BEND2: variants seen among roughly 807,000 people sequenced by gnomAD.
BEND2 encodes the protein BEN domain-containing protein 2.
A neutral mutation model predicts 43.8 loss-of-function variants in BEND2; 19 were observed. That is an observed-to-expected ratio of 0.43 (90% CI 0.30 to 0.64). The LOEUF (loss-of-function observed/expected upper bound fraction) is 0.64. Ranked by LOEUF, BEND2 falls within the 30% of genes least tolerant of loss-of-function variation. The pLI is 0.11. For missense variants in BEND2, 544 were observed against 574.0 expected (o/e 0.95, Z 0.53); for synonymous variants, 226 against 210.1 (o/e 1.08, Z -0.66).
At position 18,203,831 on chromosome X, in the gene BEND2, C is replaced by T. The variant is rs755322755; in HGVS notation, c.577G>A (p.Ala193Thr). The change falls in exon 5 of 14, where the codon GCA becomes ACA. Residue 193 changes from alanine to threonine, a missense_variant. Coordinates refer to ENST00000380033, the MANE Select transcript of BEND2 (RefSeq NM_153346.5). The part of the protein sequence containing the change: ...SPAVTSLESA[A>T]CHELQEADLS... ...TCTGCTTCCTGCAGTTCATGACATG[C>T]TGCTGACTCAAGAGATGTTACAGCA... 73 of 1,209,217 alleles carry T rather than the reference C, an allele frequency of 6.0e-5. No homozygotes were observed. Among genetic ancestry groups the T allele is most frequent in the Non-Finnish European group, 7.7e-5 (69 of 894,223 alleles).
chrX:18,182,761 C>G (rs987473992), intron 8 of BEND2, among the ~76,000 whole-genome samples: 1 of 111,206 alleles, frequency 9.0e-6, no homozygotes, highest in Non-Finnish European at 1.9e-5. Flanking sequence ...TTACAGAGGC[C>G]GGGCACGGGG....
chrX:18,186,727 G>A (rs959284874), intron 8 of BEND2, among the ~76,000 whole-genome samples: 23 of 109,120 alleles, frequency 2.1e-4, no homozygotes, highest in East Asian at 5.8e-4. Context: ...TTGGGAGGCC[G>A]AGGTGGGAGG....
intron 8 of BEND2, among the ~76,000 whole-genome samples, chrX:18,186,231 G>A (rs1281795926): frequency 9.0e-6 from 1 of 111,344 alleles, no homozygotes; most frequent in Non-Finnish European, 1.9e-5. Context: ...GCCGAGGCAG[G>A]CAGAGCATCT....
chrX:18,204,487 A>C (rs1343786495), intron 4 of BEND2, among the ~76,000 whole-genome samples: 1 of 112,558 alleles, frequency 8.9e-6, no homozygotes, highest in Non-Finnish European at 1.9e-5. Context: ...AAGACGGTCA[A>C]CCTGCATAGT....
At chrX:18,216,849 T>C in intron 1 of BEND2, 116 bp from the exon 2 acceptor site, 4 of 566,385 alleles carry the variant, frequency 7.1e-6, no homozygotes, top group Non-Finnish European at 1.1e-5. Flanking sequence ...AGCTGAAAAT[T>C]TGTATTACAT....
intron 1 of BEND2, among the ~76,000 whole-genome samples, chrX:18,220,396 C>G (rs921722255): frequency 8.9e-6 from 1 of 112,195 alleles, no homozygotes; most frequent in Non-Finnish European, 1.9e-5. Flanking sequence ...GACGCACTCT[C>G]GGCACAAGCC....
chrX:18,201,664 T>A, intron 6 of BEND2, 151 bp downstream of exon 6: 1 of 638,737 alleles, frequency 1.6e-6, no homozygotes, highest in Non-Finnish European at 2.2e-6. Context: ...GCTAATTTTT[T>A]GTATTTTTAG....
intron 12 of BEND2, 107 bp from the exon 13 acceptor site, chrX:18,171,311 G>T: frequency 1.1e-6 from 1 of 870,679 alleles, no homozygotes; most frequent in Non-Finnish European, 1.6e-6. Context: ...TTAGGCTCAA[G>T]AATTTGAGAG....
intron 4 of BEND2, among the ~76,000 whole-genome samples, 192 bp from the exon 5 acceptor site, chrX:18,204,107 C>T (rs1925259561): frequency 8.9e-6 from 1 of 112,050 alleles, no homozygotes; most frequent in Non-Finnish European, 1.9e-5. Flanking sequence ...ATAAGCATTC[C>T]TATGTATTTT....
rs1464104443 is a variant in BEND2 at position 18,171,212 on chromosome X, C to CA, written c.1982-9dup. On this transcript the variant is annotated splice_polypyrimidine_tract_variant and intron_variant, in intron 12 of 13. Coordinates refer to ENST00000380033, the MANE Select transcript of BEND2 (RefSeq NM_153346.5). The stretch of plus-strand genomic sequence containing the variant: ...ATGGTCTTCCAAAATAGCCTAGAAG[C>CA]AAAAAAGAAAGATGTCAATTTTCAT... 1.7e-6 allele frequency: 2 copies of CA among 1,181,581 alleles called. No individual in the cohort carries two copies. The highest frequency in any genetic ancestry group is 2.3e-5 in the Admixed American group (1 of 42,895).
chrX:18,194,286 A>G (rs1924869012), intron 7 of BEND2, among the ~76,000 whole-genome samples: 1 of 111,835 alleles, frequency 8.9e-6, no homozygotes, highest in South Asian at 3.7e-4. Context: ...TTCATGACAG[A>G]GAAATGAAAA....
At position 18,164,878 on chromosome X, in the gene BEND2, T is replaced by C. The variant is rs1923780319; in HGVS notation, c.*131A>G. On this transcript the variant is annotated 3_prime_UTR_variant, in exon 14 of 14. Coordinates refer to ENST00000380033, the MANE Select transcript of BEND2 (RefSeq NM_153346.5). ...CTCCTTTATGAGCAGAAAAAGAGGT[T>C]TGGCGATTACTACAGGTGTCAATGC... 2 of 620,927 alleles carry C rather than the reference T, an allele frequency of 3.2e-6. No homozygotes were observed. Among genetic ancestry groups the C allele is most frequent in the Non-Finnish European group, 2.5e-6 (1 of 407,956 alleles). 51.2% of individuals were successfully genotyped at this position (620,927 alleles called of 1,213,427 possible).
At chrX:18,206,565 G>C (rs1925339830) in intron 4 of BEND2, among the ~76,000 whole-genome samples, 2 of 110,841 alleles carry the variant, frequency 1.8e-5, no homozygotes, top group African/African-American at 6.6e-5. Flanking sequence ...AGCCAGAGGA[G>C]AGACAGAGGG....
rs138099215 is a variant in BEND2 at position 18,207,083 on chromosome X, G to C, written c.493-3168C>G. 3.2e-4 allele frequency among the ~76,000 whole-genome samples: 35 copies of C among 110,646 alleles called. No homozygotes were observed. In the East Asian group the frequency reaches 8.7e-3, roughly 27 times the overall value. ...GGGGGACCCTGGCCTAGCAGTGCAGGGGGAGGTAGGCTAGGGAGAACCTGC... is the reference window on the plus strand; with the variant it reads ...GGGGGACCCTGGCCTAGCAGTGCAGCGGGAGGTAGGCTAGGGAGAACCTGC... On this transcript the variant is annotated intron_variant, in intron 4 of 13. Coordinates refer to ENST00000380033, the MANE Select transcript of BEND2 (RefSeq NM_153346.5).
Position 18,203,625 on chromosome X carries a change from A to T in BEND2, c.783T>A (p.Val261=), listed in dbSNP as rs1925236657. Reference sequence around the variant, plus strand: ...CCAGACTGGATTCTCTTCGTGACAGAACTGCCATAGGTACTGCTGTAGTAG... The same window carrying T: ...CCAGACTGGATTCTCTTCGTGACAGTACTGCCATAGGTACTGCTGTAGTAG... ...ANATTAVPMA[V]LSRRESSLAN... Residue 261 remains valine, a synonymous_variant, in exon 5 of 14, where the codon GTT becomes GTA. Coordinates refer to ENST00000380033, the MANE Select transcript of BEND2 (RefSeq NM_153346.5). The T allele has an allele frequency of 8.3e-7, 1 of 1,209,732 alleles. No individual in the cohort carries two copies. Among genetic ancestry groups the T allele is most frequent in the Admixed American group, 2.2e-5 (1 of 45,742 alleles).
chrX:18,178,427 C>A (rs1199268965), intron 9 of BEND2, among the ~76,000 whole-genome samples: 1 of 111,357 alleles, frequency 9.0e-6, no homozygotes, highest in Non-Finnish European at 1.9e-5. Flanking sequence ...AGTTACAGAA[C>A]CAGTTTTAAA....
At chrX:18,211,991 A>C (rs1465540134) in intron 4 of BEND2, among the ~76,000 whole-genome samples, 1 of 110,544 alleles carries the variant, frequency 9.0e-6, no homozygotes, top group Non-Finnish European at 1.9e-5. Context: ...AGGATGGAAA[A>C]AAAAATCAAA....
intron 9 of BEND2, among the ~76,000 whole-genome samples, chrX:18,179,742 G>A (rs977701321): frequency 5.3e-5 from 6 of 112,353 alleles, no homozygotes; most frequent in African/African-American, 1.9e-4. Context: ...ATATTAATAA[G>A]AGATAAGCTG....
chrX:18,208,875 T>G (rs1344563825), intron 4 of BEND2, among the ~76,000 whole-genome samples: 2 of 111,354 alleles, frequency 1.8e-5, no homozygotes, highest in Non-Finnish European at 3.8e-5. Context: ...AGAGGAGCAA[T>G]GAACACACCT....
Sources: gnomAD v4.1 joint callset for allele counts (sites outside exome capture counted in the v4.1 genomes callset) on GRCh38, gnomAD v4.1.1 for gene constraint, MANE v1.5 for transcripts, NCBI Gene and HGNC (gene_info 2026-07-23, HGNC 2026-07-21) for gene names.